The following IGDCC3 variants were observed in gnomAD, a reference collection of about 807,000 sequenced individuals.
The protein encoded by IGDCC3 is putative neuronal cell adhesion molecule.
Under a neutral mutation model 72.0 loss-of-function variants are expected in IGDCC3, and 47 were observed. The observed-to-expected ratio is 0.65, with a 90% CI of 0.52 to 0.83. The LOEUF (loss-of-function observed/expected upper bound fraction) is 0.83. Among genes scored for constraint, IGDCC3 ranks in the 40% least tolerant of loss-of-function variants. The pLI is 0.00. For synonymous variants in IGDCC3, 477 were observed against 472.8 expected (o/e 1.01, Z -0.11); for missense variants, 1,038 against 1,091.3 (o/e 0.95, Z 0.69).
At chr15:65,333,467 G>C (rs756971859) in intron 5 of IGDCC3, 52 bp from the exon 6 acceptor site, 19 of 1,501,500 alleles carry the variant, frequency 1.3e-5, no homozygotes, top group Non-Finnish European at 1.6e-5. Flanking sequence ...AGATATGGAA[G>C]AAGGAAAGTA....
intron 2 of IGDCC3, among the ~76,000 whole-genome samples, chr15:65,347,894 C>T (rs547503328): frequency 1.1e-3 from 169 of 152,256 alleles, no homozygotes; most frequent in African/African-American, 4.0e-3. Context: ...CGAGGTCACG[C>T]CATTGCACTC....
chr15:65,370,179 A>G (rs73478525), intron 2 of IGDCC3, among the ~76,000 whole-genome samples: 300 of 152,084 alleles, frequency 2.0e-3, no homozygotes, highest in African/African-American at 7.0e-3. Context: ...ATAATTTAAC[A>G]TGTTTTCACC....
intron 2 of IGDCC3, among the ~76,000 whole-genome samples, chr15:65,351,205 C>T (rs1442996690): frequency 1.3e-5 from 2 of 152,118 alleles, no homozygotes; most frequent in Non-Finnish European, 2.9e-5. Flanking sequence ...CTAATCTGCT[C>T]TTTCACAAAA....
chr15:65,346,978 T>G (rs1189424219), intron 2 of IGDCC3, among the ~76,000 whole-genome samples: 1 of 152,164 alleles, frequency 6.6e-6, no homozygotes, highest in African/African-American at 2.4e-5. Context: ...CTCTCTGCCT[T>G]GGACTTGAAA....
Position 65,358,104 on chromosome 15 carries a change from ATTTTTTTT to A in IGDCC3, c.409+16985_409+16992del, listed in dbSNP as rs35238946. ...TTAGTTAGTAGCAGATCCAAGACAT[ATTTTTTTT>A]TTTTTTTTTCTGAGACAGGGTCTCA... On this transcript the variant is annotated intron_variant, in intron 2 of 13. Transcript: ENST00000327987. Among the ~76,000 whole-genome samples, 26 of 139,854 alleles carry A rather than the reference ATTTTTTTT, an allele frequency of 1.9e-4. 1 individual carries two copies. The Admixed American group carries it at 1.9e-3, about 10-fold the overall frequency. 91.7% of individuals were successfully genotyped at this position (139,854 alleles called of 152,430 possible). A position where few individuals can be genotyped will look rare whatever the true frequency, so the allele number is the denominator to read the frequency against.
intron 2 of IGDCC3, among the ~76,000 whole-genome samples, chr15:65,336,811 C>T (rs2091033508): frequency 6.6e-6 from 1 of 152,124 alleles, no homozygotes; most frequent in African/African-American, 2.4e-5. Flanking sequence ...CCGTTTCCAC[C>T]CATGCCCAAA....
intron 6 of IGDCC3, among the ~76,000 whole-genome samples, chr15:65,332,751 C>T (rs1015005493): frequency 6.6e-6 from 1 of 152,260 alleles, no homozygotes; most frequent in Non-Finnish European, 1.5e-5. Flanking sequence ...TTAAACCCCA[C>T]AGCCAGAGGC....
Position 65,377,617 on chromosome 15 carries a change from C to G in IGDCC3, c.103+69G>C, listed in dbSNP as rs961234973. 8 of 1,327,378 alleles carry G rather than the reference C, an allele frequency of 6.0e-6. No individual in the cohort carries two copies. The African/African-American group carries it at 7.7e-5, about 13-fold the overall frequency. 82.2% of individuals were successfully genotyped at this position (1,327,378 alleles called of 1,614,324 possible). A position where few individuals can be genotyped will look rare whatever the true frequency, so the allele number is the denominator to read the frequency against. On this transcript the variant is annotated intron_variant, in intron 1 of 13. Coordinates refer to ENST00000327987, the MANE Select transcript of IGDCC3 (RefSeq NM_004884.4). The surrounding 1 kb of genome is among the most constrained non-coding windows in gnomAD (Gnocchi z 4.9). Reference sequence around the variant, plus strand: ...TCTCCCCGGGTCCGCCCCTCGCGCCCGCTCCCTCCCTGCTCGCCCTTCCCC... The same window carrying G: ...TCTCCCCGGGTCCGCCCCTCGCGCCGGCTCCCTCCCTGCTCGCCCTTCCCC...
At chr15:65,346,981 A>T (rs1488105191) in intron 2 of IGDCC3, among the ~76,000 whole-genome samples, 1 of 152,038 alleles carries the variant, frequency 6.6e-6, no homozygotes, top group Non-Finnish European at 1.5e-5. Flanking sequence ...TCTGCCTTGG[A>T]CTTGAAAATG....
rs1307245716 is a variant in IGDCC3, at chr15:65,330,168, T to C, written c.1858+125A>G. On this transcript the variant is annotated intron_variant, in intron 11 of 13. Transcript: ENST00000327987. ...CTTGACCAAGGTCACACAGCCAGCA[T>C]GTGCATGGCCAAGCTTCAAACTGTG... The C allele has an allele frequency of 2.7e-5, 21 of 763,958 alleles. No homozygotes were observed. In the East Asian group the frequency reaches 4.7e-4, roughly 17 times the overall value. 47.3% of individuals were successfully genotyped at this position (763,958 alleles called of 1,614,324 possible). A position where few individuals can be genotyped will look rare whatever the true frequency, so the allele number is the denominator to read the frequency against.
At position 65,377,545 on chromosome 15, in the gene IGDCC3, TC is replaced by T; in HGVS notation, c.103+140del. 1.2e-6 allele frequency: 1 copy of T among 848,088 alleles called. No individual in the cohort carries two copies. Among genetic ancestry groups the T allele is most frequent in the Non-Finnish European group, 1.6e-6 (1 of 638,278 alleles). 52.5% of individuals were successfully genotyped at this position (848,088 alleles called of 1,614,324 possible). A position where few individuals can be genotyped will look rare whatever the true frequency, so the allele number is the denominator to read the frequency against. On this transcript the variant is annotated intron_variant, in intron 1 of 13. Transcript: ENST00000327987. This position sits in a 1 kb window ranked among gnomAD's most constrained non-coding sequence, Gnocchi z 4.9. ...CCTTGGTACCCTCTCCCCGTCCGGA[TC>T]CGCAGGGTCCCCCCCGCGCGGGGTC...
At chr15:65,371,992 T>C (rs2091328424) in intron 2 of IGDCC3, among the ~76,000 whole-genome samples, 1 of 152,214 alleles carries the variant, frequency 6.6e-6, no homozygotes, top group Non-Finnish European at 1.5e-5. Flanking sequence ...CCTGATAGCT[T>C]TCCCTGGAGA....
chr15:65,366,894 A>T (rs1024408330), intron 2 of IGDCC3, among the ~76,000 whole-genome samples: 1 of 152,310 alleles, frequency 6.6e-6, no homozygotes, highest in African/African-American at 2.4e-5. Context: ...GAGGGCAGCC[A>T]CAGAGGCATT....
chr15:65,377,705 C>T lies in IGDCC3; in HGVS notation c.84G>A (p.Leu28=), dbSNP rs768496808. The change falls in exon 1 of 14, where the codon CTG becomes CTA. Residue 28 remains leucine (L), a synonymous_variant. Transcript: ENST00000327987. This position sits in a 1 kb window ranked among gnomAD's most constrained non-coding sequence, Gnocchi z 4.9. ...PRLLLPLLLL[L]LPAPSEGLGH... The stretch of plus-strand genomic sequence containing the variant: ...ACTCACCCTCGCTCGGCGCGGGCAG[C>T]AGCAGCAACAGCAGCGGCAGCAGGA... 2 of 1,397,176 alleles carry T rather than the reference C, an allele frequency of 1.4e-6. No homozygotes were observed. The highest frequency in any genetic ancestry group is 1.5e-5 in the African/African-American group (1 of 66,508). 86.5% of individuals were successfully genotyped at this position (1,397,176 alleles called of 1,614,324 possible).
chr15:65,349,698 G>C (rs1177781147), intron 2 of IGDCC3, among the ~76,000 whole-genome samples: 1 of 152,160 alleles, frequency 6.6e-6, no homozygotes, highest in Non-Finnish European at 1.5e-5. Context: ...GTTCTTGGGA[G>C]CTTCACCTTT....
chr15:65,331,853 G>A, intron 7 of IGDCC3, 88 bp downstream of exon 7: 2 of 1,467,382 alleles, frequency 1.4e-6, no homozygotes, highest in Non-Finnish European at 9.2e-7. Context: ...CCTGGCAGGA[G>A]GTGTACAGCC....
rs920623017 is a variant in IGDCC3 at position 65,373,452 on chromosome 15, C to G, written c.409+1645G>C. 20 of 152,446 alleles carry G rather than the reference C, an allele frequency of 1.3e-4. No individual in the cohort carries two copies. In the East Asian group the frequency reaches 3.9e-3, roughly 29 times the overall value. 9.4% of individuals were successfully genotyped at this position (152,446 alleles called of 1,614,324 possible). On this transcript the variant is annotated intron_variant, in intron 2 of 13. Transcript: ENST00000327987. Reference sequence around the variant, plus strand: ...CTCCCAGCGAACTCCATATGGGGGCCTGGATCTGCCTTCCTCAGAACAAAG... The same window carrying G: ...CTCCCAGCGAACTCCATATGGGGGCGTGGATCTGCCTTCCTCAGAACAAAG...
Position 65,329,622 on chromosome 15 carries a change from G to A in IGDCC3, c.1998-25C>T. On this transcript the variant is annotated intron_variant, in intron 12 of 13. Transcript: ENST00000327987. The surrounding 1 kb of genome is among the most constrained non-coding windows in gnomAD (Gnocchi z 4.1). Reference sequence around the variant, plus strand: ...CCTAAGGGTTAGCCAAGAGTTGGGGGGAGGGAGAGAGAAAAGAGACAGAGG... The same window carrying A: ...CCTAAGGGTTAGCCAAGAGTTGGGGAGAGGGAGAGAGAAAAGAGACAGAGG... The A allele has an allele frequency of 6.2e-7, 1 of 1,612,224 alleles. No homozygotes were observed. Among genetic ancestry groups the A allele is most frequent in the Non-Finnish European group, 8.5e-7 (1 of 1,178,666 alleles).
In IGDCC3 at chr15:65,331,997, C is replaced by T; in HGVS notation, c.1092G>A (p.Leu364=). ...QGEPPPHVTW[L]KNGQVLGPGG... The stretch of plus-strand genomic sequence containing the variant: ...CTGGCCCCAGCACCTGTCCATTTTT[C>T]AGCCACGTGACATGAGGCGGTGGCT... The change falls in exon 7 of 14, where the codon CTG becomes CTA. Residue 364 remains leucine (L), a synonymous_variant. Coordinates refer to ENST00000327987, the MANE Select transcript of IGDCC3 (RefSeq NM_004884.4). The T allele has an allele frequency of 6.2e-7, 1 of 1,614,178 alleles. No homozygotes were observed. Among genetic ancestry groups the T allele is most frequent in the South Asian group, 1.1e-5 (1 of 91,078 alleles).
Sources: allele counts gnomAD v4.1 joint callset (sites outside exome capture counted in the v4.1 genomes callset), GRCh38; gene constraint gnomAD v4.1.1; non-coding constraint Gnocchi (gnomAD v3.1); transcripts MANE v1.5; gene names NCBI Gene and HGNC (gene_info 2026-07-23, HGNC 2026-07-21).